The following AP1G2 variants were observed in gnomAD, a reference collection of about 807,000 sequenced individuals.
AP1G2 encodes the protein AP-1 complex subunit gamma-like 2.
AP1G2 carries 85 observed loss-of-function variants against 95.8 expected under a neutral mutation model. That is an observed-to-expected ratio of 0.89 (90% CI 0.74 to 1.06). AP1G2 has a LOEUF of 1.06. Among genes scored for constraint, AP1G2 ranks in the 50% least tolerant of loss-of-function variants. The pLI, the probability that AP1G2 is intolerant of heterozygous loss-of-function variation, is 0.00. For missense variants in AP1G2, 967 were observed against 1,005.8 expected, an observed-to-expected ratio of 0.96 and a Z score of 0.52; for synonymous variants, 378 against 400.0, an observed-to-expected ratio of 0.94 and a Z score of 0.66.
In AP1G2 at chr14:23,567,004, T is replaced by C; in HGVS notation, c.204+107A>G. The C allele has an allele frequency of 8.0e-7, 1 of 1,254,650 alleles. No individual in the cohort carries two copies. Among genetic ancestry groups the C allele is most frequent in the South Asian group, 1.5e-5 (1 of 68,940 alleles). The allele number at this position is 1,254,650 out of a possible 1,614,324, so 77.7% of individuals were successfully genotyped here. A position where few individuals can be genotyped will look rare whatever the true frequency, so the allele number is the denominator to read the frequency against. Reference sequence around the variant, plus strand: ...TTTGCAGTGCAGGCTGTGAAGACTCTGAAATTGTAGAATTTAAAAAACCAG... The same window carrying C: ...TTTGCAGTGCAGGCTGTGAAGACTCCGAAATTGTAGAATTTAAAAAACCAG... On this transcript the variant is annotated intron_variant, in intron 2 of 21. Transcript: ENST00000397120. The surrounding 1 kb of genome is among the most constrained non-coding windows in gnomAD (Gnocchi z 5.3).
chr14:23,561,731 C>T (rs1456604584), intron 17 of AP1G2, 96 bp from the exon 18 acceptor site: 1 of 1,530,922 alleles, frequency 6.5e-7, no homozygotes, highest in African/African-American at 1.4e-5. Context: ...GCCCTGGGCA[C>T]ATGGTGGCTC....
At chr14:23,565,294 G>A (rs901370467) in intron 7 of AP1G2, 95 bp from the exon 8 acceptor site, 33 of 1,288,916 alleles carry the variant, frequency 2.6e-5, no homozygotes, top group East Asian at 2.0e-4. Flanking sequence ...GGTCTGGCTC[G>A]CTCCCTAGAG....
At position 23,563,445 on chromosome 14, in the gene AP1G2, C is replaced by T. The variant is rs754721186; in HGVS notation, c.1345G>A (p.Ala449Thr). The T allele has an allele frequency of 2.5e-6, 4 of 1,613,000 alleles. No individual in the cohort carries two copies. The highest frequency in any genetic ancestry group is 3.4e-6 in the Non-Finnish European group (4 of 1,179,612). The change falls in exon 14 of 22, where the codon GCC (alanine) becomes ACC (threonine). Residue 449 changes from alanine (A) to threonine (T), a missense_variant. Transcript: ENST00000397120. ...ACAGAGTAGGCATGTAGCTCCTGGG[C>T]CCCCCCAATCAGCTGGGTCAGGTTG... ...VANLTQLIGG[A>T]QELHAYSVRR...
chr14:23,564,342 C>G lies in AP1G2; in HGVS notation c.968G>C (p.Arg323Thr), dbSNP rs200446183. ...CAGTTGGGACTATTACCTAATGTTC[C>G]TGTCACTGTTGAGTAGGAAGCGACC... is the stretch of plus-strand genomic sequence containing the variant. ...ILGRFLLNSD[R>T]NIRYVALTSL... The change falls in exon 10 of 22, where the codon AGG becomes ACG. Residue 323 changes from arginine to threonine, a missense_variant. Transcript: ENST00000397120. 3.7e-6 allele frequency: 6 copies of G among 1,614,176 alleles called. No individual in the cohort carries two copies. The Admixed American group carries it at 5.0e-5, about 13-fold the overall frequency.
Position 23,560,380 on chromosome 14 carries a change from C to T in AP1G2, c.2032G>A (p.Val678Ile). ...PDLKVFEREG[V>I]QLNLSFIRPP... ...CGAATGAAAGACAGATTCAGCTGTA[C>T]TCCCTCACGCTCAAACACTTTGAGA... The change falls in exon 20 of 22, where the codon GTA (valine) becomes ATA (isoleucine). Residue 678 changes from valine (V) to isoleucine (I), a missense_variant. Val to Ile is a conservative substitution (Grantham distance 29). Coordinates refer to ENST00000397120, the MANE Select transcript of AP1G2 (RefSeq NM_003917.5). 1.9e-6 allele frequency: 3 copies of T among 1,614,096 alleles called. No homozygotes were observed. The highest frequency in any genetic ancestry group is 2.5e-6 in the Non-Finnish European group (3 of 1,180,002).
chr14:23,562,892 AC>A, intron 14 of AP1G2: 1 of 511,700 alleles, frequency 2.0e-6, no homozygotes, highest in Non-Finnish European at 3.2e-6. Flanking sequence ...GAAGTTTGTT[AC>A]CTGGCTCCCA....
chr14:23,561,520 CTG>C lies in AP1G2; in HGVS notation c.1847_1848del (p.Thr616ArgfsTer40). On this transcript the variant is annotated frameshift_variant, in exon 18 of 22. Transcript: ENST00000397120. LOFTEE classifies it high-confidence loss of function. ...AQLSEAAPVP[T>X]EPQASQLLDL... ...GTTTCTAGCCTTCTCACCTGGGGCTCTGTGGGCACTGGGGCTGCTTCTGAAAG... is the reference window on the plus strand; with the variant it reads ...GTTTCTAGCCTTCTCACCTGGGGCTCTGGGCACTGGGGCTGCTTCTGAAAG... 6.2e-7 allele frequency: 1 copy of C among 1,614,190 alleles called. No individual in the cohort carries two copies. Among genetic ancestry groups the C allele is most frequent in the Non-Finnish European group, 8.5e-7 (1 of 1,180,030 alleles).
rs754664548 is a variant in AP1G2, at chr14:23,560,353, G to T, written c.2059C>A (p.Pro687Thr). ...AACAGCAAAGCAGGGTTTTCAGGGG[G>T]TCGAATGAAAGACAGATTCAGCTGT... ...GVQLNLSFIR[P>T]PENPALLLIT... The change falls in exon 20 of 22, where the codon CCC (proline) becomes ACC (threonine). Residue 687 changes from proline (P) to threonine (T), a missense_variant. Pro to Thr is a conservative substitution (Grantham distance 38). Coordinates refer to ENST00000397120, the MANE Select transcript of AP1G2 (RefSeq NM_003917.5). 9 of 1,614,108 alleles carry T rather than the reference G, an allele frequency of 5.6e-6. No homozygotes were observed. Among genetic ancestry groups the T allele is most frequent in the Non-Finnish European group, 6.8e-6 (8 of 1,180,014 alleles).
At chr14:23,560,167 C>G (rs1312757317) in intron 20 of AP1G2, 88 bp downstream of exon 20, 4 of 1,532,250 alleles carry the variant, frequency 2.6e-6, no homozygotes, top group Non-Finnish European at 3.6e-6. Context: ...TCAATCCCAT[C>G]TCACACTGTC....
Position 23,561,304 on chromosome 14 carries a change from G to A in AP1G2, c.1985C>T (p.Pro662Leu). Reference sequence around the variant, plus strand: ...CCTTTGCTTAGGCTTACCTGGGGGTGGAGGTACACAGGGAAGGTCAAGCAG... The same window carrying A: ...CCTTTGCTTAGGCTTACCTGGGGGTAGAGGTACACAGGGAAGGTCAAGCAG... The part of the protein sequence containing the change: ...VHLLDLPCVP[P>L]PPAPIPDLKV... The change falls in exon 19 of 22, where the codon CCA (proline) becomes CTA (leucine). Residue 662 changes from proline to leucine, a missense_variant. Transcript: ENST00000397120. The A allele has an allele frequency of 6.5e-7, 1 of 1,535,582 alleles. No individual in the cohort carries two copies.
At chr14:23,560,110 T>G in intron 20 of AP1G2, 74 bp from the exon 21 acceptor site, 1 of 1,413,692 alleles carries the variant, frequency 7.1e-7, no homozygotes, top group Non-Finnish European at 9.8e-7. Flanking sequence ...ACTCAGTGGC[T>G]CCACACCCTT....
At chr14:23,566,922 G>T in intron 2 of AP1G2, 189 bp downstream of exon 2, 1 of 886,690 alleles carries the variant, frequency 1.1e-6, no homozygotes, top group Non-Finnish European at 1.7e-6. Context: ...AGGCTGGCCA[G>T]AGAATGAAGG....
At chr14:23,564,758 G>C in intron 8 of AP1G2, 98 bp from the exon 9 acceptor site, 1 of 1,116,342 alleles carries the variant, frequency 9.0e-7, no homozygotes, top group Non-Finnish European at 1.3e-6. Flanking sequence ...GCTCACTGCA[G>C]CCTTGACCTC....
chr14:23,564,603 CTG>C lies in AP1G2; in HGVS notation c.878_879del (p.Thr293SerfsTer29). ...RNAGNAVLFE[T>X]VLTIMDIRSA... Reference sequence around the variant, plus strand: ...GAGCGGATATCCATGATGGTGAGTACTGTCTCAAACAGGACCGCATTTCCGGC... The same window carrying C: ...GAGCGGATATCCATGATGGTGAGTACTCTCAAACAGGACCGCATTTCCGGC... On this transcript the variant is annotated frameshift_variant, in exon 9 of 22. Transcript: ENST00000397120. LOFTEE classifies it high-confidence loss of function. The C allele has an allele frequency of 6.2e-7, 1 of 1,613,668 alleles. No individual in the cohort carries two copies. Among genetic ancestry groups the C allele is most frequent in the Non-Finnish European group, 8.5e-7 (1 of 1,180,014 alleles).
chr14:23,565,997 C>T, intron 5 of AP1G2, 67 bp downstream of exon 5: 1 of 1,613,164 alleles, frequency 6.2e-7, no homozygotes, highest in Non-Finnish European at 8.5e-7. Flanking sequence ...AGCTGGGGTT[C>T]CCATCCGATT....
At chr14:23,561,120 C>G in intron 19 of AP1G2, 176 bp downstream of exon 19, 1 of 1,332,820 alleles carries the variant, frequency 7.5e-7, no homozygotes. Flanking sequence ...AAGTCTGGAA[C>G]AAAGGGAAGA....
intron 8 of AP1G2, chr14:23,564,909 C>T (rs938808061): frequency 3.1e-6 from 2 of 636,124 alleles, no homozygotes; most frequent in East Asian, 2.7e-5. Flanking sequence ...CAACAAAGTT[C>T]CCTGAGGCTC....
Position 23,564,362 on chromosome 14 carries a change from G to A in AP1G2, c.948C>T (p.Arg316=), listed in dbSNP as rs763786021. 5.6e-6 allele frequency: 9 copies of A among 1,614,210 alleles called. No individual in the cohort carries two copies. In the South Asian group the frequency reaches 9.9e-5, roughly 18 times the overall value. ...TGTTCCTGTCACTGTTGAGTAGGAA[G>A]CGACCAAGAATGTTGACAGCTAGAA... ...LRVLAVNILG[R]FLLNSDRNIR... is the part of the protein sequence containing the mutation. Residue 316 remains arginine (R), a synonymous_variant, in exon 10 of 22, where the codon CGC becomes CGT. Transcript: ENST00000397120.
At chr14:23,566,188 G>T (rs780928506) in intron 4 of AP1G2, 28 bp from the exon 5 acceptor site, 1 of 1,595,128 alleles carries the variant, frequency 6.3e-7, no homozygotes, top group Non-Finnish European at 8.6e-7. Flanking sequence ...CTCAGACAGG[G>T]GTCAGAGGAG....
Sources: gnomAD v4.1 joint callset for allele counts on GRCh38, gnomAD v4.1.1 for gene constraint, Gnocchi (gnomAD v3.1) non-coding constraint, MANE v1.5 for transcripts, NCBI Gene and HGNC (gene_info 2026-07-23, HGNC 2026-07-21) for gene names.